The following CACNA1D variants were observed in gnomAD, a reference collection of about 807,000 sequenced individuals.
The protein encoded by CACNA1D is calcium voltage-gated channel subunit alpha1 D, also known as voltage-dependent L-type calcium channel subunit alpha-1D.
Under a neutral mutation model 257.1 loss-of-function variants are expected in CACNA1D, and 55 were observed. That is an observed-to-expected ratio of 0.21 (90% CI 0.17 to 0.27). The LOEUF (loss-of-function observed/expected upper bound fraction) is 0.27, where lower values mean the gene tolerates loss of function less well. CACNA1D is among the 10% of genes least tolerant of loss of function. CACNA1D has a pLI of 1.00. For missense variants in CACNA1D, 1,876 were observed against 2,784.0 expected (o/e 0.67, Z 7.34); for synonymous variants, 980 against 1,014.9 (o/e 0.97, Z 0.65).
At chr3:53,511,471 G>A (rs1419325740) in intron 3 of CACNA1D, among the ~76,000 whole-genome samples, 2 of 152,152 alleles carry the variant, frequency 1.3e-5, no homozygotes, top group East Asian at 3.8e-4. Flanking sequence ...AATCTCCAGC[G>A]CAGGTCCTTG....
At chr3:53,716,944 G>A (rs1417323789) in intron 9 of CACNA1D, among the ~76,000 whole-genome samples, 2 of 152,212 alleles carry the variant, frequency 1.3e-5, no homozygotes, top group East Asian at 3.8e-4. Flanking sequence ...AAGGCGGGCC[G>A]AACACAGCCC....
At chr3:53,787,425 C>CTGTGTGTGTGTGTGTGTGTGTGTGTGTG (rs3217446) in intron 40 of CACNA1D, among the ~76,000 whole-genome samples, 2 of 136,150 alleles carry the variant, frequency 1.5e-5, no homozygotes, top group African/African-American at 2.9e-5. Flanking sequence ...AGTATGTATT[C>CTGTGTGTGTGTGTGTGTGTGTGTGTGTG]TGTGTGTGTG....
chr3:53,737,127 C>T (rs1342628711), intron 20 of CACNA1D, among the ~76,000 whole-genome samples: 4 of 151,760 alleles, frequency 2.6e-5, no homozygotes, highest in African/African-American at 4.8e-5. Context: ...GGTGGAACCC[C>T]GTCTCTACTA....
In CACNA1D at chr3:53,789,251, G is replaced by A. The variant is rs1275771138; in HGVS notation, c.4923+2299G>A. 6.6e-6 allele frequency among the ~76,000 whole-genome samples: 1 copy of A among 152,188 alleles called. No individual in the cohort carries two copies. The highest frequency in any genetic ancestry group is 1.5e-5 in the Non-Finnish European group (1 of 68,034). On this transcript the variant is annotated intron_variant, in intron 40 of 47. Transcript: ENST00000350061. This position sits in a 1 kb window ranked among gnomAD's most constrained non-coding sequence, Gnocchi z 4.2. ...TCCATTGGGAGCTGAAGCATCGTCT[G>A]TAATTTATGTTGAGAATGCAGCCTG... is the stretch of plus-strand genomic sequence containing the variant.
chr3:53,811,187 T>C lies in CACNA1D; in HGVS notation c.6267T>C (p.Ala2089=), dbSNP rs750515973. The C allele has an allele frequency of 1.9e-6, 3 of 1,613,982 alleles. No individual in the cohort carries two copies. The highest frequency in any genetic ancestry group is 2.5e-6 in the Non-Finnish European group (3 of 1,179,998). Residue 2089 remains alanine, a synonymous_variant, in exon 48 of 48, where the codon GCT becomes GCC. Transcript: ENST00000350061. The surrounding 1 kb of genome is among the most constrained non-coding windows in gnomAD (Gnocchi z 4.2). Reference sequence around the variant, plus strand: ...TGTCAGCAACAAAACACGAAATCGCTGATGCCTGTGACCTCACCATCGACG... The same window carrying C: ...TGTCAGCAACAAAACACGAAATCGCCGATGCCTGTGACCTCACCATCGACG... The part of the protein sequence containing the change: ...KFVSATKHEI[A]DACDLTIDEM...
chr3:53,741,126 C>T (rs938937232), intron 21 of CACNA1D, among the ~76,000 whole-genome samples: 3 of 152,098 alleles, frequency 2.0e-5, no homozygotes, highest in Non-Finnish European at 4.4e-5. Context: ...CATGGGGAGC[C>T]CATTCCTTAT....
At chr3:53,550,416 C>G (rs1404698075) in intron 3 of CACNA1D, among the ~76,000 whole-genome samples, 2 of 152,218 alleles carry the variant, frequency 1.3e-5, no homozygotes, top group Admixed American at 6.5e-5. Context: ...TCTAGCACCC[C>G]TGGAGGCTCT....
chr3:53,548,496 C>T (rs1414892113), intron 3 of CACNA1D, among the ~76,000 whole-genome samples: 1 of 152,006 alleles, frequency 6.6e-6, no homozygotes, highest in Non-Finnish European at 1.5e-5. Flanking sequence ...TGCCGGGTCA[C>T]TGTTAGGAAC....
intron 3 of CACNA1D, among the ~76,000 whole-genome samples, chr3:53,581,299 C>T (rs1013481803): frequency 6.6e-6 from 1 of 152,164 alleles, no homozygotes; most frequent in Non-Finnish European, 1.5e-5. Context: ...TAAAGAAATA[C>T]ATTGTTAATG....
chr3:53,523,073 C>T (rs1032848044), intron 3 of CACNA1D, among the ~76,000 whole-genome samples: 7 of 152,146 alleles, frequency 4.6e-5, no homozygotes, highest in Non-Finnish European at 7.3e-5. Flanking sequence ...GGAGTACTCT[C>T]GAGTTTAGTT....
At chr3:53,567,739 G>A (rs761607301) in intron 3 of CACNA1D, among the ~76,000 whole-genome samples, 1 of 152,182 alleles carries the variant, frequency 6.6e-6, no homozygotes, top group Non-Finnish European at 1.5e-5. Flanking sequence ...TTATTGCAAT[G>A]AACAGCTTAA....
chr3:53,652,275 C>A (rs1186345025), intron 4 of CACNA1D, among the ~76,000 whole-genome samples: 1 of 152,132 alleles, frequency 6.6e-6, no homozygotes, highest in African/African-American at 2.4e-5. Flanking sequence ...ATGATCACCT[C>A]ATATTTCTGC....
intron 4 of CACNA1D, among the ~76,000 whole-genome samples, chr3:53,657,239 A>G (rs2094156547): frequency 6.6e-6 from 1 of 152,054 alleles, no homozygotes; most frequent in East Asian, 1.9e-4. Context: ...AACAACGTGG[A>G]TGAGTGTCAG....
chr3:53,800,272 C>CA lies in CACNA1D; in HGVS notation c.4948dup (p.Ile1650AsnfsTer12). 6.2e-7 allele frequency: 1 copy of CA among 1,613,796 alleles called. No homozygotes were observed. The highest frequency in any genetic ancestry group is 8.5e-7 in the Non-Finnish European group (1 of 1,179,658). Reference sequence around the variant, plus strand: ...AGGCGGGATTAAGGACACTGCATGACATTGGGCCAGAAATCCGGCGTGCTA... The same window carrying CA: ...AGGCGGGATTAAGGACACTGCATGACAATTGGGCCAGAAATCCGGCGTGCTA... On this transcript the variant is annotated frameshift_variant, in exon 41 of 48. Coordinates refer to ENST00000350061, the MANE Select transcript of CACNA1D (RefSeq NM_001128840.3). LOFTEE classifies it high-confidence loss of function. The surrounding 1 kb of genome is among the most constrained non-coding windows in gnomAD (Gnocchi z 4.3).
intron 3 of CACNA1D, among the ~76,000 whole-genome samples, chr3:53,622,600 C>A (rs1274032258): frequency 6.6e-6 from 1 of 152,090 alleles, no homozygotes; most frequent in Non-Finnish European, 1.5e-5. Context: ...AGGGCAACAA[C>A]ACACACTGGG....
chr3:53,509,213 CA>C (rs111879190), intron 3 of CACNA1D, among the ~76,000 whole-genome samples: 14,664 of 152,056 alleles, frequency 0.096, 2,355 homozygotes, highest in African/African-American at 0.33. Context: ...GAGGAAGAAA[CA>C]GAATAGCTGA....
intron 11 of CACNA1D, among the ~76,000 whole-genome samples, chr3:53,721,365 G>A (rs1019826113): frequency 6.6e-5 from 10 of 152,180 alleles, no homozygotes; most frequent in Non-Finnish European, 1.5e-4. Context: ...TCTTGACTCA[G>A]GCCCCCAGAG....
At chr3:53,620,566 C>T (rs897979679) in intron 3 of CACNA1D, among the ~76,000 whole-genome samples, 2 of 147,416 alleles carry the variant, frequency 1.4e-5, no homozygotes, top group African/African-American at 2.5e-5. Context: ...GCTGGGATTA[C>T]AGGCGTGAGC....
chr3:53,534,298 T>C (rs2092045833), intron 3 of CACNA1D, among the ~76,000 whole-genome samples: 1 of 152,240 alleles, frequency 6.6e-6, no homozygotes, highest in South Asian at 2.1e-4. Flanking sequence ...GTAATTCAAC[T>C]GATTGCTTTT....
Sources: gnomAD v4.1 joint callset for allele counts (sites outside exome capture counted in the v4.1 genomes callset) on GRCh38, gnomAD v4.1.1 for gene constraint, Gnocchi (gnomAD v3.1) non-coding constraint, MANE v1.5 for transcripts, NCBI Gene and HGNC (gene_info 2026-07-23, HGNC 2026-07-21) for gene names.